GRIA1: variants seen among roughly 807,000 people sequenced by gnomAD.
GRIA1 encodes glutamate ionotropic receptor AMPA type subunit 1, also known as glutamate receptor 1.
GRIA1 carries 31 observed loss-of-function variants against 99.2 expected under a neutral mutation model. The observed-to-expected ratio is 0.31, with a 90% CI of 0.23 to 0.42. The LOEUF is 0.42. Ranked by LOEUF, GRIA1 falls within the 10% of genes least tolerant of loss-of-function variation. The pLI is 1.00. For synonymous variants in GRIA1, 438 were observed against 432.4 expected (o/e 1.01, Z -0.16); for missense variants, 782 against 1,157.5 (o/e 0.68, Z 4.71).
intron 13 of GRIA1, among the ~76,000 whole-genome samples, chr5:153,785,348 G>A (rs1764907101): frequency 6.6e-6 from 1 of 152,172 alleles, no homozygotes; most frequent in Non-Finnish European, 1.5e-5. Context: ...TAGATGGAGA[G>A]TTCCTCGAAG....
chr5:153,655,842 C>T lies in GRIA1; in HGVS notation c.669C>T (p.Gly223=), dbSNP rs1754904109. 1.2e-6 allele frequency: 2 copies of T among 1,613,236 alleles called. No homozygotes were observed. The highest frequency in any genetic ancestry group is 1.1e-5 in the South Asian group (1 of 91,068). ...LGQIIKLEKN[G]IGYHYILANL... ...AGATTATAAAGCTAGAGAAGAATGG[C>T]ATCGGCTACCACTACATTCTTGCAA... The change falls in exon 5 of 16, where the codon GGC becomes GGT. Residue 223 remains glycine, a synonymous_variant. Transcript: ENST00000285900.
intron 15 of GRIA1, among the ~76,000 whole-genome samples, chr5:153,805,690 CA>C (rs1383159572): frequency 6.6e-6 from 1 of 152,160 alleles, no homozygotes; most frequent in African/African-American, 2.4e-5. Context: ...AAACTGGGAC[CA>C]TGTTGACCTT....
chr5:153,686,412 C>A, intron 8 of GRIA1, 83 bp downstream of exon 8: 1 of 935,724 alleles, frequency 1.1e-6, no homozygotes, highest in Non-Finnish European at 1.7e-6. Context: ...TGTGAGTCCA[C>A]CTTTTCTGGA....
intron 2 of GRIA1, among the ~76,000 whole-genome samples, chr5:153,611,882 C>T (rs1489506650): frequency 6.6e-6 from 1 of 152,182 alleles, no homozygotes; most frequent in East Asian, 1.9e-4. Context: ...GCTTGCAGCT[C>T]CTCTGGGAAG....
intron 2 of GRIA1, among the ~76,000 whole-genome samples, chr5:153,572,272 T>A (rs1286673845): frequency 6.6e-6 from 1 of 152,142 alleles, no homozygotes; most frequent in East Asian, 1.9e-4. Context: ...GTGTGGGCCC[T>A]ACTCTCAGGA....
chr5:153,654,009 A>G (rs748939757), intron 4 of GRIA1, among the ~76,000 whole-genome samples: 1 of 152,070 alleles, frequency 6.6e-6, no homozygotes, highest in Non-Finnish European at 1.5e-5. Context: ...CCCCTTGTGA[A>G]ATTGCTTCTT....
In GRIA1 at chr5:153,609,656, C is replaced by T. The variant is rs921005278; in HGVS notation, c.221-37272C>T. 6.8e-5 allele frequency among the ~76,000 whole-genome samples: 10 copies of T among 146,448 alleles called. No individual in the cohort carries two copies. In the East Asian group the frequency reaches 1.4e-3, roughly 20 times the overall value. On this transcript the variant is annotated intron_variant, in intron 2 of 15. Transcript: ENST00000285900. ...TTGGCTCACTGCAGGCTCCACCTTC[C>T]GGGTTCAGGTCATTCTCCTGCCTCA...
chr5:153,790,912 A>G (rs1420956515), intron 13 of GRIA1, among the ~76,000 whole-genome samples: 1 of 152,134 alleles, frequency 6.6e-6, no homozygotes, highest in African/African-American at 2.4e-5. Context: ...TGGAGCCTTT[A>G]TATTTTATAA....
intron 11 of GRIA1, among the ~76,000 whole-genome samples, chr5:153,756,023 T>C (rs1762805681): frequency 6.6e-6 from 1 of 152,240 alleles, no homozygotes; most frequent in South Asian, 2.1e-4. Context: ...CCTTCGTGCC[T>C]CTGCAGAAAG....
At chr5:153,676,658 T>C (rs540039593) in intron 6 of GRIA1, among the ~76,000 whole-genome samples, 2 of 152,274 alleles carry the variant, frequency 1.3e-5, no homozygotes, top group Admixed American at 1.3e-4. Context: ...ATGCATTTTT[T>C]CCCAAATGAA....
chr5:153,677,064 G>A lies in GRIA1; in HGVS notation c.932G>A (p.Arg311Lys), dbSNP rs1370479117. The change falls in exon 7 of 16, where the codon AGA becomes AAA. Residue 311 changes from arginine to lysine, a missense_variant. Arg to Lys is a conservative substitution (Grantham distance 26). This residue lies in a region of GRIA1 where 461 missense variants were observed against 521.7 expected (regional missense o/e 0.88). Transcript: ENST00000285900. ...GCTTTCCAGAGCCTGCGGAGGCAGA[G>A]AATTGATATATCTCGCCGGGGGAAT... ...AEAFQSLRRQ[R>K]IDISRRGNAG... 2 of 1,585,796 alleles carry A rather than the reference G, an allele frequency of 1.3e-6. No homozygotes were observed. The highest frequency in any genetic ancestry group is 2.3e-5 in the East Asian group (1 of 43,188).
At chr5:153,779,849 C>A (rs923869407) in intron 13 of GRIA1, among the ~76,000 whole-genome samples, 1 of 152,308 alleles carries the variant, frequency 6.6e-6, no homozygotes, top group Non-Finnish European at 1.5e-5. Context: ...CATGAGCCAC[C>A]ATGCCCATCC....
intron 2 of GRIA1, among the ~76,000 whole-genome samples, chr5:153,597,490 T>C (rs1561674309): frequency 6.6e-6 from 1 of 152,196 alleles, no homozygotes; most frequent in Non-Finnish European, 1.5e-5. Context: ...CTCAGACCAG[T>C]TATTTAAAGC....
intron 2 of GRIA1, among the ~76,000 whole-genome samples, chr5:153,621,525 C>G (rs1767051435): frequency 6.6e-6 from 1 of 152,044 alleles, no homozygotes; most frequent in African/African-American, 2.4e-5. Context: ...CATCAGAAAC[C>G]ATGTGGTATC....
At chr5:153,705,662 A>ATTTTT (rs70978505) in intron 10 of GRIA1, 35 bp from the exon 11 acceptor site, 10,836 of 751,692 alleles carry the variant, frequency 0.014, 1,119 homozygotes, top group Non-Finnish European at 0.016. Flanking sequence ...GCTCACCTGC[A>ATTTTT]TTTTTTTTTT....
intron 11 of GRIA1, among the ~76,000 whole-genome samples, chr5:153,730,442 C>A (rs1487280185): frequency 6.6e-6 from 1 of 151,956 alleles, no homozygotes; most frequent in Admixed American, 6.6e-5. Flanking sequence ...TACATTTTTA[C>A]ATAGGTAGAC....
At chr5:153,613,541 G>A (rs984592105) in intron 2 of GRIA1, among the ~76,000 whole-genome samples, 2 of 151,984 alleles carry the variant, frequency 1.3e-5, no homozygotes, top group Admixed American at 6.6e-5. Flanking sequence ...AGTTTTAGCC[G>A]CTTCTTTCCT....
intron 2 of GRIA1, among the ~76,000 whole-genome samples, chr5:153,519,298 G>A (rs1238536349): frequency 2.6e-5 from 4 of 151,894 alleles, no homozygotes; most frequent in African/African-American, 9.7e-5. Flanking sequence ...CAATTCGAGG[G>A]TCTCAGGCCG....
intron 5 of GRIA1, among the ~76,000 whole-genome samples, chr5:153,663,310 C>T (rs994240769): frequency 2.6e-5 from 4 of 152,212 alleles, no homozygotes; most frequent in African/African-American, 9.6e-5. Flanking sequence ...AAACCTTTCC[C>T]ATTCTAAGGA....
Sources: allele counts gnomAD v4.1 joint callset (sites outside exome capture counted in the v4.1 genomes callset), GRCh38; gene constraint gnomAD v4.1.1; regional missense constraint gnomAD v4.1.1; transcripts MANE v1.5; gene names NCBI Gene and HGNC (gene_info 2026-07-23, HGNC 2026-07-21).